The following VPS13D variants were observed in gnomAD, a reference collection of about 807,000 sequenced individuals.
VPS13D encodes the protein intermembrane lipid transfer protein VPS13D.
In VPS13D, 187 loss-of-function variants were observed where a neutral mutation model predicts 461.9. The observed-to-expected ratio is 0.40, with a 90% confidence interval of 0.36 to 0.46. The LOEUF (loss-of-function observed/expected upper bound fraction) is 0.46. Ranked by LOEUF, VPS13D falls within the 20% of genes least tolerant of loss-of-function variation. The probability of loss-of-function intolerance (pLI) is 0.60; values close to 1 mark genes in which losing one functional copy is unlikely to be tolerated. For synonymous variants in VPS13D, 1,951 were observed against 1,986.3 expected, an observed-to-expected ratio of 0.98 and a Z score of 0.47; for missense variants, 4,711 against 5,364.9, an observed-to-expected ratio of 0.88 and a Z score of 3.81.
At chr1:12,353,256 G>A (rs925421354) in intron 46 of VPS13D, among the ~76,000 whole-genome samples, 5 of 152,140 alleles carry the variant, frequency 3.3e-5, no homozygotes, top group African/African-American at 1.2e-4. Context: ...GACATAGGCC[G>A]GGTGCGGTGG....
At chr1:12,459,114 A>G (rs750707109) in intron 66 of VPS13D, among the ~76,000 whole-genome samples, 1 of 152,228 alleles carries the variant, frequency 6.6e-6, no homozygotes, top group Non-Finnish European at 1.5e-5. Context: ...AATGTATACC[A>G]TCAGCTCTCC....
At chr1:12,350,897 A>G (rs1467001628) in intron 46 of VPS13D, among the ~76,000 whole-genome samples, 1 of 152,220 alleles carries the variant, frequency 6.6e-6, no homozygotes, top group Non-Finnish European at 1.5e-5. Context: ...AAAAAGGATG[A>G]AAAGGAGGTA....
chr1:12,281,061 C>CT (rs1480368263), intron 20 of VPS13D, among the ~76,000 whole-genome samples: 1 of 149,028 alleles, frequency 6.7e-6, no homozygotes, highest in Non-Finnish European at 1.5e-5. Flanking sequence ...TTTGTTTTAT[C>CT]TATTTTTTTT....
intron 39 of VPS13D, chr1:12,337,986 A>AG (rs1384550296): frequency 2.5e-6 from 1 of 399,482 alleles, no homozygotes; most frequent in Admixed American, 3.7e-5. Context: ...CTTCTAATTC[A>AG]GGAAAAAAAA....
intron 65 of VPS13D, among the ~76,000 whole-genome samples, chr1:12,425,226 G>A (rs766988547): frequency 2.0e-5 from 3 of 151,972 alleles, no homozygotes; most frequent in African/African-American, 4.8e-5. Flanking sequence ...TTATTCTTAG[G>A]AGAAAGAGGG....
At chr1:12,266,796 T>C in intron 13 of VPS13D, 85 bp from the exon 14 acceptor site, 1 of 1,203,878 alleles carries the variant, frequency 8.3e-7, no homozygotes, top group South Asian at 2.1e-5. Flanking sequence ...ATAATAATCT[T>C]CTGTAAAATA....
intron 16 of VPS13D, among the ~76,000 whole-genome samples, chr1:12,270,048 G>A (rs551533758): frequency 1.3e-5 from 2 of 152,264 alleles, no homozygotes; most frequent in East Asian, 1.9e-4. Context: ...CCAGCTACTC[G>A]GGAGGCTGAG....
intron 1 of VPS13D, among the ~76,000 whole-genome samples, chr1:12,231,088 C>T (rs979638440): frequency 6.6e-6 from 1 of 152,170 alleles, no homozygotes; most frequent in African/African-American, 2.4e-5. Flanking sequence ...CCGGTCTGGC[C>T]GCTCCTCAGG....
chr1:12,431,999 T>G (rs960402409), intron 65 of VPS13D, among the ~76,000 whole-genome samples: 2 of 152,168 alleles, frequency 1.3e-5, no homozygotes, highest in Non-Finnish European at 2.9e-5. Context: ...TTAATCTAAC[T>G]TTGTGGGTTA....
In VPS13D at chr1:12,262,085, A is replaced by T. The variant is rs373123837; in HGVS notation, c.1594+5A>T. 3.1e-6 allele frequency: 5 copies of T among 1,604,234 alleles called. No homozygotes were observed. The highest frequency in any genetic ancestry group is 4.3e-6 in the Non-Finnish European group (5 of 1,172,984). On this transcript the variant is annotated splice_donor_5th_base_variant and intron_variant, in intron 13 of 69. Coordinates refer to ENST00000620676, the MANE Select transcript of VPS13D (RefSeq NM_015378.4). ...TCATGCAGCTCGAGTTTTCAGGTAC[A>T]CTGCCCCCAAGAAACTACCTGCCAC...
chr1:12,249,432 T>C, intron 6 of VPS13D, 93 bp downstream of exon 6: 1 of 969,226 alleles, frequency 1.0e-6, no homozygotes, highest in Non-Finnish European at 1.5e-6. Context: ...TGTAAATGAA[T>C]CACATTCTTT....
Position 12,276,255 on chromosome 1 carries a change from T to C in VPS13D, c.2667T>C (p.Asp889=). 2 of 1,614,002 alleles carry C rather than the reference T, an allele frequency of 1.2e-6. No homozygotes were observed. Among genetic ancestry groups the C allele is most frequent in the Middle Eastern group, 1.6e-4 (1 of 6,062 alleles). The change falls in exon 19 of 70, where the codon GAT becomes GAC. Residue 889 remains aspartate, a synonymous_variant. Coordinates refer to ENST00000620676, the MANE Select transcript of VPS13D (RefSeq NM_015378.4). This position sits in a 1 kb window ranked among gnomAD's most constrained non-coding sequence, Gnocchi z 4.5. ...ACTTAAAAATCCACATTAATGAAGA[T>C]AAAATATCTGCACTAAAGAATTGCT... ...LPDLKIHINE[D]KISALKNCFA... is the part of the protein sequence containing the mutation.
At position 12,309,526 on chromosome 1, in the gene VPS13D, G is replaced by T. The variant is rs989096784; in HGVS notation, c.6650+885G>T. 3.3e-5 allele frequency among the ~76,000 whole-genome samples: 5 copies of T among 151,016 alleles called. No individual in the cohort carries two copies. The South Asian group carries it at 1.0e-3, about 32-fold the overall frequency. On this transcript the variant is annotated intron_variant, in intron 27 of 69. Coordinates refer to ENST00000620676, the MANE Select transcript of VPS13D (RefSeq NM_015378.4). Reference sequence around the variant, plus strand: ...TGTAATCCCAGCACTTTGGGAGGTCGAGGCGGCAGATCACAAGTTCAGGAG... The same window carrying T: ...TGTAATCCCAGCACTTTGGGAGGTCTAGGCGGCAGATCACAAGTTCAGGAG...
At chr1:12,254,980 C>T (rs962582891) in intron 7 of VPS13D, among the ~76,000 whole-genome samples, 1 of 151,136 alleles carries the variant, frequency 6.6e-6, no homozygotes, top group South Asian at 2.1e-4. Context: ...GCATCTCGCT[C>T]GGTTGCCCGG....
At chr1:12,487,942 T>C (rs1426076597) in intron 67 of VPS13D, among the ~76,000 whole-genome samples, 3 of 152,238 alleles carry the variant, frequency 2.0e-5, no homozygotes, top group African/African-American at 7.2e-5. Context: ...GAATTTGATA[T>C]CTGGTGTAAT....
At chr1:12,249,188 G>T (rs1400815145) in intron 5 of VPS13D, 35 bp from the exon 6 acceptor site, 2 of 1,487,740 alleles carry the variant, frequency 1.3e-6, no homozygotes, top group Non-Finnish European at 1.9e-6. Context: ...TATTCTGCAG[G>T]TGCATCAGCT....
At chr1:12,440,516 G>T (rs1645116732) in intron 65 of VPS13D, among the ~76,000 whole-genome samples, 1 of 152,202 alleles carries the variant, frequency 6.6e-6, no homozygotes, top group Non-Finnish European at 1.5e-5. Context: ...GCAGGACAGG[G>T]TCTTACAAGA....
intron 25 of VPS13D, among the ~76,000 whole-genome samples, chr1:12,301,302 C>T (rs1367946282): frequency 2.0e-5 from 3 of 152,274 alleles, no homozygotes; most frequent in Non-Finnish European, 4.4e-5. Context: ...AAGACTGCTC[C>T]CCACTCAGAC....
rs1445607549 is a variant in VPS13D at position 12,331,952 on chromosome 1, A to G, written c.8288-1274A>G. 3.9e-5 allele frequency among the ~76,000 whole-genome samples: 6 copies of G among 152,180 alleles called. No homozygotes were observed. In the South Asian group the frequency reaches 1.2e-3, roughly 32 times the overall value. ...GTTCAGTGGCTGATTGTGTGAGTCT[A>G]TTTAAAGATCTGTTAAAAATTAATT... On this transcript the variant is annotated intron_variant, in intron 37 of 69. Transcript: ENST00000620676.
Sources: gnomAD v4.1 joint callset for allele counts (sites outside exome capture counted in the v4.1 genomes callset) on GRCh38, gnomAD v4.1.1 for gene constraint, Gnocchi (gnomAD v3.1) non-coding constraint, MANE v1.5 for transcripts, NCBI Gene and HGNC (gene_info 2026-07-23, HGNC 2026-07-21) for gene names.